PRELID2: variants seen among roughly 807,000 people sequenced by gnomAD.
PRELID2 encodes PRELI domain-containing protein 2.
PRELID2 carries 25 observed loss-of-function variants against 28.4 expected under a neutral mutation model. The observed-to-expected ratio is 0.88, with a 90% CI of 0.64 to 1.23. PRELID2 has a LOEUF of 1.23. PRELID2 is among the 50% of genes most tolerant of loss of function. The pLI is 0.00. For synonymous variants in PRELID2, 76 were observed against 71.6 expected (o/e 1.06, Z -0.31); for missense variants, 201 against 214.4 (o/e 0.94, Z 0.39).
At chr5:145,784,049 A>G in intron 5 of PRELID2, among the ~76,000 whole-genome samples, 1 of 152,116 alleles carries the variant, frequency 6.6e-6, no homozygotes, top group East Asian at 1.9e-4. Flanking sequence ...TGGGAGGCTG[A>G]GGTGGGCAGA....
At chr5:145,355,630 C>A in the PRELID2 span, among the ~76,000 whole-genome samples, 1 of 152,128 alleles carries the variant, frequency 6.6e-6, no homozygotes, top group African/African-American at 2.4e-5. Flanking sequence ...AACATCCTAC[C>A]AAGGAGATTG....
In PRELID2 at chr5:145,746,371, G is replaced by A. The variant is rs562749901; in HGVS notation, n.70+18560C>T. Among the ~76,000 whole-genome samples the A allele has an allele frequency of 7.9e-5, 12 of 152,164 alleles. No homozygotes were observed. In the South Asian group the frequency reaches 2.5e-3, roughly 32 times the overall value. On this transcript the variant is annotated intron_variant and non_coding_transcript_variant, in intron 1 of 2. Coordinates refer to the PRELID2 transcript ENST00000510259. ...AAAACAAACACAAAAACAAAACAGG[G>A]ATTGAATTCCTAGTCTCTGACAAAA...
chr5:145,770,865 A>T (rs1046980495), intron 5 of PRELID2, among the ~76,000 whole-genome samples: 2 of 152,258 alleles, frequency 1.3e-5, no homozygotes, highest in African/African-American at 4.8e-5. Context: ...AAAATAGTCA[A>T]AAAGTTAAAA....
At chr5:145,612,780 G>A (rs1408123777) in intron 1 of PRELID2, among the ~76,000 whole-genome samples, 1 of 152,202 alleles carries the variant, frequency 6.6e-6, no homozygotes, top group East Asian at 1.9e-4. Flanking sequence ...CACTGCTAAT[G>A]TGGTTGATTC....
At chr5:145,400,002 G>A in the PRELID2 span, among the ~76,000 whole-genome samples, 2 of 144,528 alleles carry the variant, frequency 1.4e-5, no homozygotes, top group Non-Finnish European at 2.9e-5. Context: ...GATTTGGATG[G>A]GGACACAGCC....
intron 4 of PRELID2, among the ~76,000 whole-genome samples, chr5:145,816,074 G>GTTTT (rs1373577351): frequency 8.3e-6 from 1 of 120,360 alleles, no homozygotes; most frequent in African/African-American, 3.2e-5. Context: ...GTTATTGTGT[G>GTTTT]TCTTTTTTTT....
chr5:145,766,493 T>G (rs1757770728), intron 5 of PRELID2, among the ~76,000 whole-genome samples: 1 of 152,124 alleles, frequency 6.6e-6, no homozygotes, highest in South Asian at 2.1e-4. Context: ...CAATAAAATA[T>G]ATTTAACACC....
chr5:145,687,659 A>G (rs1755062786), intron 1 of PRELID2, among the ~76,000 whole-genome samples: 1 of 152,154 alleles, frequency 6.6e-6, no homozygotes, highest in Non-Finnish European at 1.5e-5. Context: ...ACATTTTCTA[A>G]TGTATTTGCT....
At chr5:145,562,512 G>A (rs1296451451) in intron 1 of PRELID2, among the ~76,000 whole-genome samples, 1 of 152,080 alleles carries the variant, frequency 6.6e-6, no homozygotes, top group Non-Finnish European at 1.5e-5. Flanking sequence ...GGTTTGCTTT[G>A]GTGCACCCAT....
chr5:145,386,653 G>A, the PRELID2 span, among the ~76,000 whole-genome samples: 9 of 151,972 alleles, frequency 5.9e-5, no homozygotes, highest in African/African-American at 2.2e-4. Context: ...CTAATACATG[G>A]CCCTTATTAT....
chr5:145,479,597 C>T (rs908750876), intron 1 of PRELID2, among the ~76,000 whole-genome samples: 3 of 152,176 alleles, frequency 2.0e-5, no homozygotes, highest in African/African-American at 7.2e-5. Flanking sequence ...TTGTTCATTA[C>T]TGCATCCTGA....
the PRELID2 span, among the ~76,000 whole-genome samples, chr5:145,366,979 A>G: frequency 1.4e-4 from 21 of 151,966 alleles, no homozygotes; most frequent in African/African-American, 4.8e-4. Flanking sequence ...TGATTAGGAT[A>G]TTTTATCCAG....
At chr5:145,424,929 T>G in the PRELID2 span, among the ~76,000 whole-genome samples, 18 of 152,100 alleles carry the variant, frequency 1.2e-4, no homozygotes, top group Non-Finnish European at 2.4e-4. Flanking sequence ...TGGGACCTAA[T>G]TAAACTAAAG....
the PRELID2 span, among the ~76,000 whole-genome samples, chr5:145,354,794 A>T: frequency 1.4e-4 from 21 of 152,162 alleles, no homozygotes; most frequent in African/African-American, 5.1e-4. Context: ...ATCATCTTGA[A>T]CTTTTTCATT....
intron 1 of PRELID2, among the ~76,000 whole-genome samples, chr5:145,703,088 T>C (rs1320399767): frequency 6.6e-6 from 1 of 152,192 alleles, no homozygotes; most frequent in African/African-American, 2.4e-5. Context: ...TACTGGTCTG[T>C]GCAGCACCCA....
Position 145,757,462 on chromosome 5 carries a change from C to G in PRELID2, c.*3074G>C, listed in dbSNP as rs1561576166. ...TGGTACATGTGAAGTCTGAGAATCACAGGGTAAATCATCGCCTTGAAGACA... is the reference window on the plus strand; with the variant it reads ...TGGTACATGTGAAGTCTGAGAATCAGAGGGTAAATCATCGCCTTGAAGACA... On this transcript the variant is annotated 3_prime_UTR_variant, in exon 7 of 7. Coordinates refer to ENST00000683046, the MANE Select transcript of PRELID2 (RefSeq NM_205846.3). 6.6e-6 allele frequency among the ~76,000 whole-genome samples: 1 copy of G among 152,134 alleles called. No homozygotes were observed. The highest frequency in any genetic ancestry group is 1.5e-5 in the Non-Finnish European group (1 of 68,030).
In PRELID2 at chr5:145,476,738, C is replaced by T. The variant is rs1386321678; in HGVS notation, n.71-3423G>A. Among the ~76,000 whole-genome samples, 6 of 152,096 alleles carry T rather than the reference C, an allele frequency of 3.9e-5. No homozygotes were observed. In the South Asian group the frequency reaches 8.3e-4, roughly 21 times the overall value. ...AAAAGAATGAAACACCTTTCACATG[C>T]ATAGATCTTGCTTCTATTTTTATTT... On this transcript the variant is annotated intron_variant and non_coding_transcript_variant, in intron 1 of 2. Coordinates refer to the PRELID2 transcript ENST00000510259.
chr5:145,240,430 A>G, the PRELID2 span, among the ~76,000 whole-genome samples: 6 of 151,978 alleles, frequency 3.9e-5, no homozygotes, highest in African/African-American at 1.4e-4. Flanking sequence ...TCTGATATAT[A>G]CAATATTTTG....
chr5:145,750,906 A>C (rs1199176120), intron 1 of PRELID2, among the ~76,000 whole-genome samples: 4 of 152,194 alleles, frequency 2.6e-5, no homozygotes, highest in Admixed American at 6.5e-5. Context: ...CTTCAAGACT[A>C]ATTATACCAA....
Sources: allele counts gnomAD v4.1 joint callset (sites outside exome capture counted in the v4.1 genomes callset), GRCh38; gene constraint gnomAD v4.1.1; transcripts MANE v1.5; gene names NCBI Gene and HGNC (gene_info 2026-07-23, HGNC 2026-07-21).